SNTG1: variants seen among roughly 807,000 people sequenced by gnomAD.
SNTG1 encodes the protein syntrophin gamma 1.
In SNTG1, 39 loss-of-function variants were observed where a neutral mutation model predicts 74.7. The observed-to-expected ratio is 0.52, with a 90% CI of 0.40 to 0.68. SNTG1 has a LOEUF of 0.68. Ranked by LOEUF, SNTG1 falls within the 30% of genes least tolerant of loss-of-function variation. SNTG1 has a pLI of 0.00. For synonymous variants in SNTG1, 254 were observed against 217.1 expected (o/e 1.17, Z -1.49); for missense variants, 685 against 609.5 (o/e 1.12, Z -1.30).
At chr8:50,092,363 G>GTCTC (rs2079771868) in intron 1 of SNTG1, among the ~76,000 whole-genome samples, 1 of 152,162 alleles carries the variant, frequency 6.6e-6, no homozygotes, top group African/African-American at 2.4e-5. Flanking sequence ...TGCTCTTCCA[G>GTCTC]TCTCTTCCTT....
intron 1 of SNTG1, among the ~76,000 whole-genome samples, chr8:49,984,481 A>T (rs1812972759): frequency 6.6e-6 from 1 of 152,186 alleles, no homozygotes; most frequent in Non-Finnish European, 1.5e-5. Flanking sequence ...CTGGGATTAT[A>T]GGCGTGAGCC....
chr8:50,778,797 G>C (rs1295816626), intron 18 of SNTG1, among the ~76,000 whole-genome samples: 2 of 151,188 alleles, frequency 1.3e-5, no homozygotes, highest in Admixed American at 1.3e-4. Flanking sequence ...GTCCTGAATG[G>C]TAATGCCTAG....
At chr8:50,042,286 C>T (rs972402327) in intron 1 of SNTG1, among the ~76,000 whole-genome samples, 2 of 152,174 alleles carry the variant, frequency 1.3e-5, no homozygotes, top group African/African-American at 4.8e-5. Context: ...CCACCAATTC[C>T]CATCCCCACA....
At chr8:50,710,303 G>C (rs576328824) in intron 17 of SNTG1, among the ~76,000 whole-genome samples, 4 of 151,874 alleles carry the variant, frequency 2.6e-5, no homozygotes, top group Non-Finnish European at 5.9e-5. Context: ...TTTCAAATGA[G>C]GCTGCCATAA....
chr8:50,121,376 T>G (rs1240167099), intron 1 of SNTG1, among the ~76,000 whole-genome samples: 1 of 142,222 alleles, frequency 7.0e-6, no homozygotes, highest in Non-Finnish European at 1.6e-5. Context: ...TAGTTCTATG[T>G]GCACTGCTCA....
chr8:50,466,903 C>T (rs1478483844), intron 8 of SNTG1, among the ~76,000 whole-genome samples: 1 of 151,940 alleles, frequency 6.6e-6, no homozygotes, highest in Non-Finnish European at 1.5e-5. Flanking sequence ...TATACTTCTT[C>T]ATTAGTTCTA....
At chr8:50,543,065 T>A (rs1328723428) in intron 11 of SNTG1, among the ~76,000 whole-genome samples, 2 of 152,180 alleles carry the variant, frequency 1.3e-5, no homozygotes, top group Non-Finnish European at 2.9e-5. Context: ...TCTCTTGTGG[T>A]GCAGAAGCTT....
chr8:50,584,020 G>A lies in SNTG1; in HGVS notation c.811-6859G>A, dbSNP rs567344880. On this transcript the variant is annotated intron_variant, in intron 12 of 18. Coordinates refer to ENST00000642720, the MANE Select transcript of SNTG1 (RefSeq NM_018967.5). ...TCCCACCTATGAGTGAGAACATGCGGTGTTTGGTTTTCTGTCCTTGCAATA... is the reference window on the plus strand; with the variant it reads ...TCCCACCTATGAGTGAGAACATGCGATGTTTGGTTTTCTGTCCTTGCAATA... Among the ~76,000 whole-genome samples, 21 of 152,188 alleles carry A rather than the reference G, an allele frequency of 1.4e-4. No individual in the cohort carries two copies. The South Asian group carries it at 4.1e-3, about 30-fold the overall frequency.
At chr8:50,181,814 A>T (rs1563706296) in intron 2 of SNTG1, among the ~76,000 whole-genome samples, 1 of 152,178 alleles carries the variant, frequency 6.6e-6, no homozygotes, top group Non-Finnish European at 1.5e-5. Flanking sequence ...AAAAAGTTCA[A>T]TTTGGGCTTT....
chr8:50,027,652 G>C (rs1484917256), intron 1 of SNTG1, among the ~76,000 whole-genome samples: 1 of 152,144 alleles, frequency 6.6e-6, no homozygotes, highest in East Asian at 1.9e-4. Flanking sequence ...TAGGCCTGCT[G>C]ATGCCTTGAT....
chr8:50,742,282 A>C (rs2095545209), intron 17 of SNTG1, among the ~76,000 whole-genome samples: 1 of 152,044 alleles, frequency 6.6e-6, no homozygotes, highest in Non-Finnish European at 1.5e-5. Flanking sequence ...GACACAAAAT[A>C]CGTCATGATA....
chr8:50,096,281 T>C (rs879395329), intron 1 of SNTG1, among the ~76,000 whole-genome samples: 1 of 152,184 alleles, frequency 6.6e-6, no homozygotes, highest in Admixed American at 6.6e-5. Context: ...AATACAATTG[T>C]GGAAGAGTTC....
At chr8:50,070,718 T>G (rs1398906333) in intron 1 of SNTG1, among the ~76,000 whole-genome samples, 1 of 152,254 alleles carries the variant, frequency 6.6e-6, no homozygotes, top group Non-Finnish European at 1.5e-5. Context: ...CATAACACAG[T>G]ACCCACGAAA....
chr8:50,129,437 C>A (rs2081250027), intron 1 of SNTG1, among the ~76,000 whole-genome samples: 2 of 151,988 alleles, frequency 1.3e-5, no homozygotes, highest in African/African-American at 4.8e-5. Flanking sequence ...CTCAGAGGAC[C>A]CCAAATATAA....
chr8:50,650,647 C>A (rs991497756), intron 13 of SNTG1, among the ~76,000 whole-genome samples: 1 of 151,924 alleles, frequency 6.6e-6, no homozygotes, highest in Non-Finnish European at 1.5e-5. Context: ...AAACAAATTT[C>A]TTTCTGCATC....
intron 1 of SNTG1, among the ~76,000 whole-genome samples, chr8:49,936,846 G>T (rs1359525259): frequency 6.6e-6 from 1 of 152,096 alleles, no homozygotes; most frequent in Non-Finnish European, 1.5e-5. Flanking sequence ...CAACCTAGAT[G>T]AACTTCAAAA....
rs562073010 is a variant in SNTG1 at position 50,106,311 on chromosome 8, A to C, written c.-102-66250A>C. Among the ~76,000 whole-genome samples the C allele has an allele frequency of 7.2e-5, 11 of 152,270 alleles. 1 individual carries two copies. The highest frequency in any genetic ancestry group is 2.4e-4 in the African/African-American group (10 of 41,582). ...CAGATCTCATGAGAACTCACTCACT[A>C]TCATGAGAATAACATGGGGGGAATC... On this transcript the variant is annotated intron_variant, in intron 1 of 18. Coordinates refer to ENST00000642720, the MANE Select transcript of SNTG1 (RefSeq NM_018967.5).
intron 4 of SNTG1, among the ~76,000 whole-genome samples, chr8:50,424,029 C>G (rs2093130433): frequency 6.6e-6 from 1 of 152,108 alleles, no homozygotes; most frequent in African/African-American, 2.4e-5. Context: ...ACAAGAACAT[C>G]TCTTGTCATA....
At position 50,570,564 on chromosome 8, in the gene SNTG1, T is replaced by TTTA. The variant is rs577888118; in HGVS notation, c.810+17406_810+17408dup. Among the ~76,000 whole-genome samples the TTTA allele has an allele frequency of 8.9e-3, 1,154 of 129,598 alleles. 14 individuals carry two copies. The highest frequency in any genetic ancestry group is 0.028 in the African/African-American group (960 of 34,172). 85.0% of individuals were successfully genotyped at this position (129,598 alleles called of 152,430 possible). ...TGAGCCACCACGTCCAGCCTTATTT[T>TTTA]TTATTATTATTATTATTATTATTGT... On this transcript the variant is annotated intron_variant, in intron 12 of 18. Transcript: ENST00000642720.
Sources: allele counts gnomAD v4.1 joint callset (sites outside exome capture counted in the v4.1 genomes callset), GRCh38; gene constraint gnomAD v4.1.1; transcripts MANE v1.5; gene names NCBI Gene and HGNC (gene_info 2026-07-23, HGNC 2026-07-21).